NOL10: variants seen among roughly 807,000 people sequenced by gnomAD.
NOL10 encodes the protein nucleolar protein 10.
In NOL10, 58 loss-of-function variants were observed where a neutral mutation model predicts 103.5. That is an observed-to-expected ratio of 0.56 (90% CI 0.45 to 0.70). The LOEUF is 0.70. Ranked by LOEUF, NOL10 falls within the 30% of genes least tolerant of loss-of-function variation. The probability of loss-of-function intolerance (pLI) is 0.00; values close to 1 mark genes in which losing one functional copy is unlikely to be tolerated. For synonymous variants in NOL10, 287 were observed against 282.5 expected (o/e 1.02, Z -0.16); for missense variants, 763 against 807.3 (o/e 0.95, Z 0.67).
chr2:10,649,196 C>T (rs1182384269), intron 12 of NOL10, among the ~76,000 whole-genome samples: 1 of 148,820 alleles, frequency 6.7e-6, no homozygotes, highest in East Asian at 1.9e-4. Flanking sequence ...CCACAACAAC[C>T]ACAGAAGCAC....
At chr2:10,577,253 T>TG (rs1674501031) in intron 20 of NOL10, among the ~76,000 whole-genome samples, 1 of 152,204 alleles carries the variant, frequency 6.6e-6, no homozygotes, top group African/African-American at 2.4e-5. Flanking sequence ...GAGGTAGCCC[T>TG]ACATCCTCAG....
intron 13 of NOL10, among the ~76,000 whole-genome samples, chr2:10,638,482 C>CTTTTT (rs1378036555): frequency 6.4e-5 from 6 of 93,678 alleles, no homozygotes; most frequent in Admixed American, 4.1e-4. Context: ...AGCTGAATTC[C>CTTTTT]CTTTTTTTTT....
chr2:10,666,780 T>G (rs1680591661), intron 8 of NOL10, among the ~76,000 whole-genome samples: 1 of 151,860 alleles, frequency 6.6e-6, no homozygotes, highest in African/African-American at 2.4e-5. Context: ...AATATGTATG[T>G]ACACATATGC....
At chr2:10,634,010 T>C (rs998486845) in intron 13 of NOL10, among the ~76,000 whole-genome samples, 1 of 151,970 alleles carries the variant, frequency 6.6e-6, no homozygotes, top group African/African-American at 2.4e-5. Context: ...AAACTTTTTG[T>C]GGAAATGGGG....
rs763896619 is a variant in NOL10, at chr2:10,603,162, G to A, written c.1154-5C>T. 3.7e-6 allele frequency: 6 copies of A among 1,608,372 alleles called. No homozygotes were observed. In the Admixed American group the frequency reaches 6.7e-5, roughly 18 times the overall value. ...ATCCAATGAGGTGGGTGAGCCCTGG[G>A]AAAGGTCAAACAGAAGACAGCAGGT... is the stretch of plus-strand genomic sequence containing the variant. On this transcript the variant is annotated splice_region_variant and splice_polypyrimidine_tract_variant and intron_variant, in intron 14 of 20. Coordinates refer to ENST00000381685, the MANE Select transcript of NOL10 (RefSeq NM_024894.4).
Position 10,682,075 on chromosome 2 carries a change from AAG to A in NOL10, c.113-8_113-7del, listed in dbSNP as rs745394815. On this transcript the variant is annotated splice_polypyrimidine_tract_variant and splice_region_variant and intron_variant, in intron 2 of 20. Coordinates refer to ENST00000381685, the MANE Select transcript of NOL10 (RefSeq NM_024894.4). ...TTCAATTCTCCTACGGACATCTAAAAAGAGAGAAAAAAACAACTAGTTTAACT... is the reference window on the plus strand; with the variant it reads ...TTCAATTCTCCTACGGACATCTAAAAAGAGAAAAAAACAACTAGTTTAACT... 3.6e-6 allele frequency: 5 copies of A among 1,398,262 alleles called. No individual in the cohort carries two copies. In the African/African-American group the frequency reaches 4.4e-5, roughly 12 times the overall value. The allele number at this position is 1,398,262 out of a possible 1,614,324, so 86.6% of individuals were successfully genotyped here.
chr2:10,655,818 G>A (rs950292705), intron 11 of NOL10, among the ~76,000 whole-genome samples: 13 of 152,132 alleles, frequency 8.5e-5, no homozygotes, highest in Admixed American at 6.5e-4. Flanking sequence ...AAGTGCCCAC[G>A]GCGAAAAAGA....
chr2:10,651,203 T>A (rs1158948357), intron 12 of NOL10, among the ~76,000 whole-genome samples: 1 of 152,108 alleles, frequency 6.6e-6, no homozygotes, highest in African/African-American at 2.4e-5. Context: ...TTTCAGCAGG[T>A]GTCTCTTTGG....
intron 13 of NOL10, among the ~76,000 whole-genome samples, chr2:10,613,048 A>G (rs921506952): frequency 5.3e-5 from 8 of 151,872 alleles, no homozygotes; most frequent in African/African-American, 1.9e-4. Context: ...AAGAAGAGAA[A>G]GAAAAAGAAT....
intron 12 of NOL10, among the ~76,000 whole-genome samples, chr2:10,647,484 T>C (rs914374962): frequency 6.6e-6 from 1 of 152,240 alleles, no homozygotes; most frequent in Admixed American, 6.5e-5. Flanking sequence ...ATTTGTATTG[T>C]CTTTTACAGA....
At position 10,589,751 on chromosome 2, in the gene NOL10, T is replaced by G. The variant is rs995992854; in HGVS notation, c.1423A>C (p.Ser475Arg). 2 of 1,485,520 alleles carry G rather than the reference T, an allele frequency of 1.3e-6. No individual in the cohort carries two copies. The highest frequency in any genetic ancestry group is 1.4e-5 in the African/African-American group (1 of 70,242). 92.0% of individuals were successfully genotyped at this position (1,485,520 alleles called of 1,614,324 possible). A position where few individuals can be genotyped will look rare whatever the true frequency, so the allele number is the denominator to read the frequency against. The change falls in exon 18 of 21, where the codon AGT (serine) becomes CGT (arginine). Residue 475 changes from serine (S) to arginine (R), a missense_variant and splice_region_variant. Transcript: ENST00000381685. The stretch of plus-strand genomic sequence containing the variant: ...TCATCGGTGAGAATATTAGGAAGAC[T>G]CTACAAGGAGGAAAAAGTACGTAAA... ...QKSTWKKKVK[S>R]LPNILTDDRF...
intron 14 of NOL10, 97 bp downstream of exon 14, chr2:10,607,088 G>A (rs1676300906): frequency 9.0e-6 from 6 of 666,446 alleles, no homozygotes; most frequent in Non-Finnish European, 1.1e-5. Flanking sequence ...TTTAGGAGAT[G>A]AGGTAAACAT....
At chr2:10,626,011 GA>G (rs35889726) in intron 13 of NOL10, among the ~76,000 whole-genome samples, 7 of 149,830 alleles carry the variant, frequency 4.7e-5, no homozygotes, top group Non-Finnish European at 8.9e-5. Flanking sequence ...CTGTCTCTAT[GA>G]AAAAAAAAAT....
chr2:10,598,330 C>G (rs1164320286), intron 17 of NOL10, among the ~76,000 whole-genome samples: 1 of 152,002 alleles, frequency 6.6e-6, no homozygotes, highest in Non-Finnish European at 1.5e-5. Context: ...CTTCAGATAC[C>G]GAAGACAAAC....
In NOL10 at chr2:10,589,232, T is replaced by C. The variant is rs756599019; in HGVS notation, c.1655A>G (p.Asp552Gly). ...PSDAESSESS[D>G]DEKAWVEEVR... ...CTCTTCAACCCAGGCTTTTTCATCA[T>C]CTGAACTCTCCGAACTTTCTGCATC... is the stretch of plus-strand genomic sequence containing the variant. Residue 552 changes from aspartate (D) to glycine (G), a missense_variant, in exon 19 of 21, where the codon GAT becomes GGT. Transcript: ENST00000381685. 6 of 1,613,844 alleles carry C rather than the reference T, an allele frequency of 3.7e-6. No individual in the cohort carries two copies. In the African/African-American group the frequency reaches 6.7e-5, roughly 18 times the overall value.
At chr2:10,590,369 T>C (rs935132562) in intron 17 of NOL10, among the ~76,000 whole-genome samples, 2 of 152,180 alleles carry the variant, frequency 1.3e-5, no homozygotes. Context: ...TGGCCTCCCA[T>C]AGTACTGGGA....
At chr2:10,629,700 G>T (rs1235087397) in intron 13 of NOL10, among the ~76,000 whole-genome samples, 1 of 152,188 alleles carries the variant, frequency 6.6e-6, no homozygotes, top group African/African-American at 2.4e-5. Context: ...TGGCACAACA[G>T]ACCTCTCTCA....
chr2:10,678,040 G>A (rs942957156), intron 3 of NOL10, among the ~76,000 whole-genome samples: 5 of 151,624 alleles, frequency 3.3e-5, no homozygotes, highest in African/African-American at 9.7e-5. Flanking sequence ...TTCCACTGTC[G>A]TTTGTTTTTG....
chr2:10,638,074 G>C (rs553067903), intron 13 of NOL10, among the ~76,000 whole-genome samples: 1 of 152,230 alleles, frequency 6.6e-6, no homozygotes, highest in South Asian at 2.1e-4. Flanking sequence ...TTGAGGCCAG[G>C]AGTTTGAGAC....
Sources: allele counts gnomAD v4.1 joint callset (sites outside exome capture counted in the v4.1 genomes callset), GRCh38; gene constraint gnomAD v4.1.1; transcripts MANE v1.5; gene names NCBI Gene and HGNC (gene_info 2026-07-23, HGNC 2026-07-21).